The following GRIK2 variants were observed in gnomAD, a reference collection of about 807,000 sequenced individuals.
GRIK2 encodes the protein glutamate ionotropic receptor kainate type subunit 2, also known as glutamate receptor ionotropic, kainate 2.
GRIK2 carries 32 observed loss-of-function variants against 100.3 expected under a neutral mutation model. That is an observed-to-expected ratio of 0.32 (90% confidence interval 0.24 to 0.43). The LOEUF (loss-of-function observed/expected upper bound fraction) is 0.43. GRIK2 is among the 20% of genes least tolerant of loss of function. The probability of loss-of-function intolerance (pLI) is 1.00; values close to 1 mark genes in which losing one functional copy is unlikely to be tolerated. For synonymous variants in GRIK2, 417 were observed against 389.4 expected (o/e 1.07, Z -0.83); for missense variants, 843 against 1,114.9 (o/e 0.76, Z 3.47).
chr6:102,045,141 G>A (rs1297890005), intron 15 of GRIK2, among the ~76,000 whole-genome samples: 3 of 151,932 alleles, frequency 2.0e-5, no homozygotes, highest in Non-Finnish European at 4.4e-5. Context: ...ATATAATGGT[G>A]AACAATATAA....
chr6:101,791,570 A>G (rs1779858915), intron 7 of GRIK2, among the ~76,000 whole-genome samples: 1 of 151,670 alleles, frequency 6.6e-6, no homozygotes, highest in African/African-American at 2.4e-5. Flanking sequence ...GTGGTCTGAG[A>G]GACAGTTTGT....
intron 7 of GRIK2, among the ~76,000 whole-genome samples, chr6:101,722,333 A>C (rs1774542588): frequency 1.3e-5 from 2 of 152,044 alleles, no homozygotes; most frequent in Non-Finnish European, 2.9e-5. Flanking sequence ...AATTTCTGTA[A>C]TTTGACCTTA....
chr6:101,933,031 A>G (rs1790385331), intron 14 of GRIK2, among the ~76,000 whole-genome samples: 1 of 151,968 alleles, frequency 6.6e-6, no homozygotes, highest in Non-Finnish European at 1.5e-5. Context: ...GCCTCTCTTC[A>G]GACTGAATCG....
At chr6:102,048,620 G>C (rs1405454890) in intron 15 of GRIK2, among the ~76,000 whole-genome samples, 1 of 151,998 alleles carries the variant, frequency 6.6e-6, no homozygotes, top group Non-Finnish European at 1.5e-5. Flanking sequence ...GTTAATCATT[G>C]GGGAAATGCA....
chr6:101,698,966 G>A (rs1276028244), intron 7 of GRIK2, among the ~76,000 whole-genome samples: 1 of 152,056 alleles, frequency 6.6e-6, no homozygotes, highest in African/African-American at 2.4e-5. Context: ...TTACCTCACT[G>A]GACTTGGATA....
chr6:101,770,623 T>C (rs191422933), intron 7 of GRIK2, among the ~76,000 whole-genome samples: 1 of 152,340 alleles, frequency 6.6e-6, no homozygotes, highest in African/African-American at 2.4e-5. Flanking sequence ...TCTATTGACC[T>C]ACCGGCTAAA....
chr6:101,791,525 A>G (rs891711974), intron 7 of GRIK2, among the ~76,000 whole-genome samples: 1 of 152,010 alleles, frequency 6.6e-6, no homozygotes, highest in Non-Finnish European at 1.5e-5. Context: ...GTTTTGAGTG[A>G]GTTTCTTAAT....
At chr6:101,420,910 A>G (rs748018850) in intron 2 of GRIK2, among the ~76,000 whole-genome samples, 2 of 152,210 alleles carry the variant, frequency 1.3e-5, no homozygotes, top group African/African-American at 2.4e-5. Context: ...ATTTCATCAC[A>G]GAGATGGATA....
At chr6:101,717,166 C>T (rs940943118) in intron 7 of GRIK2, among the ~76,000 whole-genome samples, 1 of 151,578 alleles carries the variant, frequency 6.6e-6, no homozygotes, top group Non-Finnish European at 1.5e-5. Context: ...GTTTAGCAAG[C>T]CTTGTAAATG....
intron 7 of GRIK2, among the ~76,000 whole-genome samples, chr6:101,702,062 A>AGAAAAGGTCAGTAGTAT (rs6149725): frequency 0.93 from 140,939 of 151,822 alleles, 65,502 homozygotes; most frequent in African/African-American, 0.96. Context: ...TGGTATTCTT[A>AGAAAAGGTCAGTAGTAT]TTTTTCTATA....
chr6:101,934,532 G>A (rs1790498277), intron 14 of GRIK2, among the ~76,000 whole-genome samples: 1 of 151,758 alleles, frequency 6.6e-6, no homozygotes, highest in African/African-American at 2.4e-5. Context: ...TTTTTTGAGA[G>A]CTTGAGTGAT....
chr6:101,560,555 A>G (rs1302847970), intron 2 of GRIK2, among the ~76,000 whole-genome samples: 1 of 152,106 alleles, frequency 6.6e-6, no homozygotes, highest in African/African-American at 2.4e-5. Flanking sequence ...CACATTGTAG[A>G]TAATTAGAAA....
intron 7 of GRIK2, among the ~76,000 whole-genome samples, chr6:101,789,134 A>C (rs911495937): frequency 3.6e-4 from 55 of 151,986 alleles, no homozygotes; most frequent in Non-Finnish European, 6.9e-4. Context: ...AGGTTGCGAA[A>C]ATTTTCTCCC....
At chr6:101,994,231 T>G (rs1246658968) in intron 14 of GRIK2, among the ~76,000 whole-genome samples, 1 of 151,306 alleles carries the variant, frequency 6.6e-6, no homozygotes, top group Non-Finnish European at 1.5e-5. Flanking sequence ...GATACGAAGT[T>G]CAACATCTGC....
chr6:101,483,940 A>G (rs117998930), intron 2 of GRIK2, among the ~76,000 whole-genome samples: 2,075 of 152,336 alleles, frequency 0.014, 28 homozygotes, highest in Non-Finnish European at 0.02. Flanking sequence ...TAGGGCATTA[A>G]TATGAATATT....
intron 11 of GRIK2, among the ~76,000 whole-genome samples, chr6:101,888,172 A>G (rs145038891): frequency 7.4e-4 from 113 of 152,260 alleles, no homozygotes; most frequent in African/African-American, 2.6e-3. Context: ...TGACTCTTCT[A>G]TGATTCCATT....
At chr6:101,938,335 A>G (rs765739660) in intron 14 of GRIK2, among the ~76,000 whole-genome samples, 3 of 152,118 alleles carry the variant, frequency 2.0e-5, no homozygotes, top group Non-Finnish European at 2.9e-5. Context: ...CAGTTTATAA[A>G]TCATCTCTGT....
chr6:101,450,847 G>C (rs569820832), intron 2 of GRIK2, among the ~76,000 whole-genome samples: 3 of 151,754 alleles, frequency 2.0e-5, no homozygotes, highest in Non-Finnish European at 4.4e-5. Flanking sequence ...TAGAGTAAGA[G>C]ATTTATTTTT....
chr6:102,044,212 C>T (rs1001357867), intron 15 of GRIK2, among the ~76,000 whole-genome samples: 6 of 151,962 alleles, frequency 3.9e-5, no homozygotes, highest in Non-Finnish European at 8.8e-5. Flanking sequence ...TAAAAGTGAA[C>T]CAATCTTTCT....
Sources: allele counts gnomAD v4.1 joint callset (sites outside exome capture counted in the v4.1 genomes callset), GRCh38; gene constraint gnomAD v4.1.1; transcripts MANE v1.5; gene names NCBI Gene and HGNC (gene_info 2026-07-23, HGNC 2026-07-21).